The following IL18R1 variants were observed in gnomAD, a reference collection of about 807,000 sequenced individuals.
The protein encoded by IL18R1 is interleukin-18 receptor 1.
Under a neutral mutation model 48.5 loss-of-function variants are expected in IL18R1, and 40 were observed. That is an observed-to-expected ratio of 0.82 (90% CI 0.64 to 1.07). IL18R1 has a LOEUF of 1.07. Ranked by LOEUF, IL18R1 falls within the 50% of genes least tolerant of loss-of-function variation. The pLI is 0.00. For missense variants in IL18R1, 596 were observed against 633.7 expected, an observed-to-expected ratio of 0.94 and a Z score of 0.64; for synonymous variants, 232 against 225.9, an observed-to-expected ratio of 1.03 and a Z score of -0.24.
chr2:102,380,082 C>G (rs1037603628), intron 5 of IL18R1, among the ~76,000 whole-genome samples: 3 of 152,206 alleles, frequency 2.0e-5, no homozygotes, highest in Non-Finnish European at 4.4e-5. Flanking sequence ...GTCTTATGCT[C>G]TGGCTGATCG....
chr2:102,384,867 A>G lies in IL18R1; in HGVS notation c.689-11A>G, dbSNP rs980983838. ...TCAAAAATCAGAACTTTAGTTGCCA[A>G]CTTTTACCAGGAAAAAACGTAAGGC... On this transcript the variant is annotated splice_polypyrimidine_tract_variant and intron_variant, in intron 6 of 10. Transcript: ENST00000233957. 18 of 1,606,500 alleles carry G rather than the reference A, an allele frequency of 1.1e-5. No individual in the cohort carries two copies. The highest frequency in any genetic ancestry group is 1.5e-5 in the Non-Finnish European group (18 of 1,177,100).
At chr2:102,358,502 C>T (rs988633522) in intron 1 of IL18R1, among the ~76,000 whole-genome samples, 7 of 152,162 alleles carry the variant, frequency 4.6e-5, no homozygotes, top group Admixed American at 3.3e-4. Flanking sequence ...TGTACACACA[C>T]GTACGTACAT....
At chr2:102,364,246 T>C (rs535172611) in intron 2 of IL18R1, among the ~76,000 whole-genome samples, 1 of 152,284 alleles carries the variant, frequency 6.6e-6, no homozygotes, top group Non-Finnish European at 1.5e-5. Context: ...AATAAGCCAA[T>C]ATCCAACAGA....
At chr2:102,395,889 C>T (rs1035247828) in intron 10 of IL18R1, among the ~76,000 whole-genome samples, 6 of 152,198 alleles carry the variant, frequency 3.9e-5, no homozygotes, top group Admixed American at 2.6e-4. Context: ...GTTTACCTGT[C>T]GCCTGCGTCT....
At position 102,386,931 on chromosome 2, in the gene IL18R1, G is replaced by A. The variant is rs908800471; in HGVS notation, c.880G>A (p.Val294Ile). 6 of 1,613,838 alleles carry A rather than the reference G, an allele frequency of 3.7e-6. No homozygotes were observed. Among genetic ancestry groups the A allele is most frequent in the Non-Finnish European group, 5.1e-6 (6 of 1,179,828 alleles). Residue 294 changes from valine (V) to isoleucine (I), a missense_variant, in exon 8 of 11, where the codon GTT becomes ATT. Val to Ile is a conservative substitution (Grantham distance 29). Transcript: ENST00000233957. ...AAATATTGGTGAAAGCAATCTAAAT[G>A]TTTTATATAATTGCACTGTGGCCAG... ...IENIGESNLN[V>I]LYNCTVASTG...
intron 5 of IL18R1, 28 bp from the exon 6 acceptor site, chr2:102,381,592 C>G: frequency 3.9e-6 from 6 of 1,554,868 alleles, no homozygotes; most frequent in Non-Finnish European, 5.3e-6. Context: ...AACACTAATA[C>G]ATTTGTCTTT....
At chr2:102,391,527 T>C (rs1680569529) in intron 9 of IL18R1, among the ~76,000 whole-genome samples, 1 of 152,244 alleles carries the variant, frequency 6.6e-6, no homozygotes, top group Non-Finnish European at 1.5e-5. Flanking sequence ...TCTTTTGTTA[T>C]TATAAAAATG....
chr2:102,379,803 C>T (rs1395959897), intron 5 of IL18R1, among the ~76,000 whole-genome samples: 1 of 152,154 alleles, frequency 6.6e-6, no homozygotes, highest in Non-Finnish European at 1.5e-5. Flanking sequence ...GAAAAGGATT[C>T]TAGTTTTTAT....
At chr2:102,388,425 G>T (rs534287593) in intron 8 of IL18R1, among the ~76,000 whole-genome samples, 19 of 152,328 alleles carry the variant, frequency 1.2e-4, no homozygotes, top group Non-Finnish European at 2.4e-4. Context: ...CTTACCTTCT[G>T]CAGGGCTTGT....
chr2:102,388,093 T>C (rs1680345669), intron 8 of IL18R1, among the ~76,000 whole-genome samples: 2 of 151,970 alleles, frequency 1.3e-5, no homozygotes, highest in African/African-American at 2.4e-5. Flanking sequence ...ACACACAGAC[T>C]GGGCCTTGGC....
rs1304101284 is a variant in IL18R1, at chr2:102,367,846, A to G, written c.80A>G (p.His27Arg). 17 of 1,613,596 alleles carry G rather than the reference A, an allele frequency of 1.1e-5. No individual in the cohort carries two copies. Among genetic ancestry groups the G allele is most frequent in the Non-Finnish European group, 1.4e-5 (16 of 1,179,578 alleles). ...GAAGAATCTTGTACTTCACGTCCCC[A>G]CATTACTGTGGTTGAAGGGGAACCT... Reference protein sequence around the residue: ...STAESCTSRPHITVVEGEPFY... With the variant: ...STAESCTSRPRITVVEGEPFY... Residue 27 changes from histidine to arginine, a missense_variant, in exon 3 of 11, where the codon CAC (histidine) becomes CGC (arginine). Physicochemically the swap from His to Arg is conservative, Grantham distance 29. Coordinates refer to ENST00000233957, the MANE Select transcript of IL18R1 (RefSeq NM_003855.5).
chr2:102,364,689 C>A (rs762838943), intron 2 of IL18R1, among the ~76,000 whole-genome samples: 1 of 152,188 alleles, frequency 6.6e-6, no homozygotes, highest in Non-Finnish European at 1.5e-5. Flanking sequence ...AGTCCATTCT[C>A]ATGCTGCTAA....
At chr2:102,389,379 A>G (rs1409849806) in intron 8 of IL18R1, among the ~76,000 whole-genome samples, 2 of 152,214 alleles carry the variant, frequency 1.3e-5, no homozygotes, top group Admixed American at 6.5e-5. Flanking sequence ...CCTCTGTATT[A>G]TCTCAGATTG....
intron 8 of IL18R1, among the ~76,000 whole-genome samples, chr2:102,388,234 A>G (rs1008491037): frequency 2.6e-5 from 4 of 152,170 alleles, no homozygotes; most frequent in Admixed American, 6.5e-5. Flanking sequence ...TACCATATGC[A>G]CTCATAACAA....
chr2:102,397,110 G>C lies in IL18R1; in HGVS notation c.*224G>C. The C allele has an allele frequency of 2.1e-6, 1 of 466,474 alleles. No individual in the cohort carries two copies. Among genetic ancestry groups the C allele is most frequent in the South Asian group, 4.4e-5 (1 of 22,564 alleles). The allele number at this position is 466,474 out of a possible 1,614,324, so 28.9% of individuals were successfully genotyped here. On this transcript the variant is annotated 3_prime_UTR_variant, in exon 11 of 11. Coordinates refer to ENST00000233957, the MANE Select transcript of IL18R1 (RefSeq NM_003855.5). ...GAAGACCTGGAATTCAAAAGAAATGGAGCTATTCTTTTTCTCCCTCTTTCA... is the reference window on the plus strand; with the variant it reads ...GAAGACCTGGAATTCAAAAGAAATGCAGCTATTCTTTTTCTCCCTCTTTCA...
At chr2:102,395,653 C>T (rs1172273393) in intron 10 of IL18R1, among the ~76,000 whole-genome samples, 2 of 152,168 alleles carry the variant, frequency 1.3e-5, no homozygotes, top group African/African-American at 4.8e-5. Context: ...TATTCTGGGC[C>T]ATACATCAAT....
intron 3 of IL18R1, among the ~76,000 whole-genome samples, chr2:102,371,004 A>T (rs1331971514): frequency 6.6e-6 from 1 of 151,712 alleles, no homozygotes; most frequent in East Asian, 1.9e-4. Flanking sequence ...TAAAATCTTC[A>T]TTTAAAAAAT....
At chr2:102,371,157 C>A (rs904986689) in intron 3 of IL18R1, among the ~76,000 whole-genome samples, 1 of 151,922 alleles carries the variant, frequency 6.6e-6, no homozygotes, top group Admixed American at 6.6e-5. Context: ...CCTGCCTCAG[C>A]TTCCCGAGTA....
chr2:102,362,938 C>G, intron 2 of IL18R1: 1 of 354,608 alleles, frequency 2.8e-6, no homozygotes, highest in South Asian at 8.6e-5. Context: ...TTATTTGAAA[C>G]TGAGGAGGTG....
Sources: allele counts gnomAD v4.1 joint callset (sites outside exome capture counted in the v4.1 genomes callset), GRCh38; gene constraint gnomAD v4.1.1; transcripts MANE v1.5; gene names NCBI Gene and HGNC (gene_info 2026-07-23, HGNC 2026-07-21).